PKP2: variants seen among roughly 807,000 people sequenced by gnomAD.
PKP2 encodes plakophilin-2.
In PKP2, 73 loss-of-function variants were observed where a neutral mutation model predicts 83.4. The ratio of observed to expected loss-of-function variants is 0.88; its 90% CI spans 0.72 to 1.06. The LOEUF is 1.06. Among genes scored for constraint, PKP2 ranks in the 50% least tolerant of loss-of-function variants. The pLI is 0.00. For missense variants in PKP2, 966 were observed against 1,065.4 expected, an observed-to-expected ratio of 0.91 and a Z score of 1.30; for synonymous variants, 409 against 430.4, an observed-to-expected ratio of 0.95 and a Z score of 0.62.
At position 32,840,743 on chromosome 12, in the gene PKP2, C is replaced by T. The variant is rs1373893986; in HGVS notation, c.1556+285G>A. Among the ~76,000 whole-genome samples the T allele has an allele frequency of 5.3e-5, 8 of 152,200 alleles. No individual in the cohort carries two copies. In the South Asian group the frequency reaches 1.7e-3, roughly 32 times the overall value. The stretch of plus-strand genomic sequence containing the variant: ...CATAATAAATTCTTTCAGTTACCAT[C>T]CAAATAAAGTCTCTCAAAAAATAAA... On this transcript the variant is annotated intron_variant, in intron 6 of 12. Transcript: ENST00000340811.
intron 9 of PKP2, among the ~76,000 whole-genome samples, chr12:32,818,642 A>G (rs1031613896): frequency 3.3e-5 from 5 of 152,238 alleles, no homozygotes; most frequent in Admixed American, 1.3e-4. Flanking sequence ...AGCTTAAACT[A>G]ACATACTTTT....
chr12:32,864,229 G>T (rs1956826130), intron 4 of PKP2, among the ~76,000 whole-genome samples: 2 of 151,484 alleles, frequency 1.3e-5, no homozygotes, highest in Non-Finnish European at 2.9e-5. Flanking sequence ...TTTGCCCTGG[G>T]ATCAGAAACA....
chr12:32,884,735 T>A (rs570534176), intron 1 of PKP2, among the ~76,000 whole-genome samples: 17 of 151,912 alleles, frequency 1.1e-4, no homozygotes, highest in Admixed American at 1.0e-3. Context: ...TCTATTCTAA[T>A]AACAGGGATA....
intron 5 of PKP2, among the ~76,000 whole-genome samples, chr12:32,842,061 C>T (rs10844374): frequency 0.41 from 62,931 of 152,014 alleles, 14,326 homozygotes; most frequent in Non-Finnish European, 0.53. Flanking sequence ...AAGGTATATA[C>T]TGTGACATAC....
At chr12:32,892,795 C>T (rs1343784328) in intron 1 of PKP2, among the ~76,000 whole-genome samples, 1 of 105,304 alleles carries the variant, frequency 9.5e-6, no homozygotes, top group Non-Finnish European at 1.9e-5. Flanking sequence ...ATTTTCTCTC[C>T]ACTCAGATAC....
At chr12:32,818,638 A>G (rs2389108) in intron 9 of PKP2, among the ~76,000 whole-genome samples, 105,730 of 152,098 alleles carry the variant, frequency 0.7, 38,338 homozygotes, top group Non-Finnish European at 0.82. Context: ...ATAAAGCTTA[A>G]ACTAACATAC....
chr12:32,878,473 A>C lies in PKP2; in HGVS notation c.407T>G (p.Val136Gly). The change falls in exon 3 of 13, where the codon GTG becomes GGG. Residue 136 changes from valine to glycine, a missense_variant. Val to Gly is a moderately radical substitution (Grantham distance 109, BLOSUM62 -3). Transcript: ENST00000340811. ...AGGATGCCTCAAGGACCTTTCTTCC[A>C]CGGACTTCTGGGAGCTGTACTGTGC... ...GTAQYSSQKS[V>G]EERSLRHPLR... 6.2e-7 allele frequency: 1 copy of C among 1,613,962 alleles called. No individual in the cohort carries two copies. Among genetic ancestry groups the C allele is most frequent in the Non-Finnish European group, 8.5e-7 (1 of 1,179,958 alleles).
At position 32,850,850 on chromosome 12, in the gene PKP2, C is replaced by A; in HGVS notation, c.1294G>T (p.Glu432Ter). ...LVFEDNDNKLEVAELNGVPRL... is the reference protein window; with the variant it reads ...LVFEDNDNKL ...GGTACCCCATTTAGTTCAGCCACCT[C>A]CAATTTGTTGTCATTGTCTTCAAAT... Residue 432 changes from glutamate to a stop codon, truncating the protein, a stop_gained, in exon 5 of 13, where the codon GAG becomes TAG. Transcript: ENST00000340811. LOFTEE classifies it high-confidence loss of function. 6.2e-7 allele frequency: 1 copy of A among 1,613,920 alleles called. No individual in the cohort carries two copies. The highest frequency in any genetic ancestry group is 1.1e-5 in the South Asian group (1 of 91,058).
At chr12:32,845,817 C>CA (rs1432676964) in intron 5 of PKP2, among the ~76,000 whole-genome samples, 1 of 151,960 alleles carries the variant, frequency 6.6e-6, no homozygotes, top group Non-Finnish European at 1.5e-5. Context: ...TATTTATTTA[C>CA]AATTTCCCTT....
chr12:32,838,433 A>C (rs1213572845), intron 6 of PKP2, among the ~76,000 whole-genome samples: 1 of 152,106 alleles, frequency 6.6e-6, no homozygotes, highest in Non-Finnish European at 1.5e-5. Flanking sequence ...GGCATCACGC[A>C]ATGTACCTGT....
rs727504509 is a variant in PKP2 at position 32,796,114 on chromosome 12, G to A, written c.2352C>T (p.Gly784=). Residue 784 remains glycine, a synonymous_variant, in exon 11 of 13, where the codon GGC becomes GGT. Transcript: ENST00000340811. ...GIQKIMAISA[G]DAYASNKASK... is the part of the protein sequence containing the mutation. ...GGCAGAACTGAAGGACTTACGCATC[G>A]CCTGCACTAATGGCCATAATTTTCT... 27 of 1,613,334 alleles carry A rather than the reference G, an allele frequency of 1.7e-5. No individual in the cohort carries two copies. The highest frequency in any genetic ancestry group is 2.7e-5 in the African/African-American group (2 of 74,894).
At chr12:32,874,617 A>T (rs1202116532) in intron 3 of PKP2, among the ~76,000 whole-genome samples, 1 of 152,182 alleles carries the variant, frequency 6.6e-6, no homozygotes, top group Non-Finnish European at 1.5e-5. Flanking sequence ...TACCCTGTCT[A>T]TTAAAACAAT....
At chr12:32,793,431 T>G (rs970819307) in intron 11 of PKP2, among the ~76,000 whole-genome samples, 2 of 151,928 alleles carry the variant, frequency 1.3e-5, no homozygotes, top group African/African-American at 4.8e-5. Context: ...TACATACGAT[T>G]TTGTGACATC....
At chr12:32,822,022 T>G (rs1956384666) in intron 8 of PKP2, among the ~76,000 whole-genome samples, 1 of 152,232 alleles carries the variant, frequency 6.6e-6, no homozygotes, top group African/African-American at 2.4e-5. Context: ...AATAAATATG[T>G]ATTCCTTCCT....
intron 4 of PKP2, among the ~76,000 whole-genome samples, chr12:32,862,328 G>A (rs1315411430): frequency 6.6e-6 from 1 of 152,168 alleles, no homozygotes; most frequent in South Asian, 2.1e-4. Context: ...TGCTGGTGAT[G>A]AACTAAAATA....
At chr12:32,870,451 A>T (rs1956885956) in intron 3 of PKP2, among the ~76,000 whole-genome samples, 1 of 152,162 alleles carries the variant, frequency 6.6e-6, no homozygotes, top group Non-Finnish European at 1.5e-5. Flanking sequence ...AATCTCTGGC[A>T]TCTATACTGA....
intron 3 of PKP2, among the ~76,000 whole-genome samples, chr12:32,872,099 C>T (rs1956900456): frequency 1.3e-5 from 2 of 152,166 alleles, no homozygotes; most frequent in Admixed American, 6.5e-5. Context: ...CCTAGCCCCA[C>T]TGACCCCTGA....
chr12:32,886,176 T>C (rs1347037453), intron 1 of PKP2, among the ~76,000 whole-genome samples: 1 of 152,136 alleles, frequency 6.6e-6, no homozygotes, highest in Non-Finnish European at 1.5e-5. Context: ...CGATGGTCTT[T>C]TAGAAGGAAA....
At chr12:32,839,479 A>C (rs1956570236) in intron 6 of PKP2, among the ~76,000 whole-genome samples, 1 of 151,304 alleles carries the variant, frequency 6.6e-6, no homozygotes, top group Admixed American at 6.6e-5. Flanking sequence ...CCCACTATGA[A>C]AAAAGAAGAG....
Sources: allele counts gnomAD v4.1 joint callset (sites outside exome capture counted in the v4.1 genomes callset), GRCh38; gene constraint gnomAD v4.1.1; transcripts MANE v1.5; gene names NCBI Gene and HGNC (gene_info 2026-07-23, HGNC 2026-07-21).